Variants in NELL1 observed in about 807,000 individuals in gnomAD.
NELL1 encodes protein kinase C-binding protein NELL1.
In NELL1, 76 loss-of-function variants were observed where a neutral mutation model predicts 107.4. The ratio of observed to expected loss-of-function variants is 0.71; its 90% confidence interval spans 0.59 to 0.86. The LOEUF (loss-of-function observed/expected upper bound fraction) is 0.86. Among genes scored for constraint, NELL1 ranks in the 40% least tolerant of loss-of-function variants. The probability of loss-of-function intolerance (pLI) is 0.00; values close to 1 mark genes in which losing one functional copy is unlikely to be tolerated. For synonymous variants in NELL1, 353 were observed against 341.2 expected (o/e 1.03, Z -0.38); for missense variants, 1,024 against 1,005.5 (o/e 1.02, Z -0.25).
At chr11:20,740,728 T>G (rs1339318522) in intron 2 of NELL1, among the ~76,000 whole-genome samples, 1 of 152,224 alleles carries the variant, frequency 6.6e-6, no homozygotes, top group Non-Finnish European at 1.5e-5. Flanking sequence ...CCTCCTTGGT[T>G]GCAACAAAGA....
At chr11:20,949,602 C>A (rs988316206) in intron 11 of NELL1, among the ~76,000 whole-genome samples, 2 of 152,186 alleles carry the variant, frequency 1.3e-5, no homozygotes, top group African/African-American at 2.4e-5. Context: ...AATTAGGCCA[C>A]AGAAATTCAG....
intron 15 of NELL1, among the ~76,000 whole-genome samples, chr11:21,520,553 C>G (rs562250820): frequency 6.6e-6 from 1 of 152,182 alleles, no homozygotes; most frequent in East Asian, 1.9e-4. Flanking sequence ...ACAGAGGGAG[C>G]CTAAATCCTG....
chr11:21,057,612 AAAT>A (rs1345385753), intron 12 of NELL1, among the ~76,000 whole-genome samples: 4 of 151,978 alleles, frequency 2.6e-5, no homozygotes, highest in Non-Finnish European at 5.9e-5. Flanking sequence ...GTAGTATTTA[AAAT>A]AATAATATAG....
chr11:20,716,084 C>A (rs1855243448), intron 2 of NELL1, among the ~76,000 whole-genome samples: 1 of 152,222 alleles, frequency 6.6e-6, no homozygotes, highest in Non-Finnish European at 1.5e-5. Flanking sequence ...TCTGTGAATG[C>A]AGCCAATGTA....
intron 12 of NELL1, among the ~76,000 whole-genome samples, chr11:21,101,466 G>T (rs1367702779): frequency 1.3e-5 from 2 of 152,162 alleles, no homozygotes; most frequent in Admixed American, 6.5e-5. Context: ...CAGTGTAAAA[G>T]TGTTCCTATT....
At chr11:20,732,482 T>C (rs1855669207) in intron 2 of NELL1, among the ~76,000 whole-genome samples, 1 of 152,102 alleles carries the variant, frequency 6.6e-6, no homozygotes. Flanking sequence ...CAGATATATG[T>C]GTAAAGATAA....
chr11:21,557,808 G>A (rs1336066177), intron 16 of NELL1, among the ~76,000 whole-genome samples: 2 of 151,982 alleles, frequency 1.3e-5, no homozygotes, highest in Non-Finnish European at 2.9e-5. Context: ...GGCAAAGTAG[G>A]CATTATAATA....
chr11:21,152,921 A>G (rs1231982942), intron 13 of NELL1, among the ~76,000 whole-genome samples: 2 of 152,106 alleles, frequency 1.3e-5, no homozygotes, highest in Admixed American at 6.6e-5. Context: ...ATTTACATTG[A>G]CTTTCTCACA....
At chr11:21,271,393 T>G (rs1848736563) in intron 14 of NELL1, among the ~76,000 whole-genome samples, 1 of 152,178 alleles carries the variant, frequency 6.6e-6, no homozygotes, top group South Asian at 2.1e-4. Flanking sequence ...CTATGTAAAA[T>G]GAACCAATTT....
At chr11:20,874,666 A>G (rs1849269213) in intron 4 of NELL1, among the ~76,000 whole-genome samples, 1 of 152,170 alleles carries the variant, frequency 6.6e-6, no homozygotes, top group African/African-American at 2.4e-5. Flanking sequence ...GTCCTTCATC[A>G]TCTGCTGAAA....
In NELL1 at chr11:20,669,588, C is replaced by T; in HGVS notation, c.-136C>T. The T allele has an allele frequency of 1.5e-6, 1 of 647,148 alleles. No homozygotes were observed. Among genetic ancestry groups the T allele is most frequent in the South Asian group, 1.9e-5 (1 of 53,944 alleles). The allele number at this position is 647,148 out of a possible 1,614,324, so 40.1% of individuals were successfully genotyped here. A position where few individuals can be genotyped will look rare whatever the true frequency, so the allele number is the denominator to read the frequency against. On this transcript the variant is annotated 5_prime_UTR_variant, in exon 1 of 20. Coordinates refer to ENST00000357134, the MANE Select transcript of NELL1 (RefSeq NM_006157.5). This position sits in a 1 kb window ranked among gnomAD's most constrained non-coding sequence, Gnocchi z 4.4. ...CCGGGCGCATATGCGAGCGCAGCACCCGGCGCTGCCGAGCCACCTCCCCCG... is the reference window on the plus strand; with the variant it reads ...CCGGGCGCATATGCGAGCGCAGCACTCGGCGCTGCCGAGCCACCTCCCCCG...
At chr11:21,434,910 ATTC>A (rs1256264867) in intron 15 of NELL1, among the ~76,000 whole-genome samples, 1 of 151,938 alleles carries the variant, frequency 6.6e-6, no homozygotes, top group Non-Finnish European at 1.5e-5. Flanking sequence ...GGTTACATTT[ATTC>A]TTAGTTATTT....
At chr11:21,239,506 A>T (rs1408642265) in intron 14 of NELL1, among the ~76,000 whole-genome samples, 3 of 152,054 alleles carry the variant, frequency 2.0e-5, no homozygotes, top group African/African-American at 4.8e-5. Flanking sequence ...CCAGTGGGAA[A>T]CATTCGTGAG....
At chr11:21,357,990 T>C (rs1030498462) in intron 14 of NELL1, among the ~76,000 whole-genome samples, 1 of 152,242 alleles carries the variant, frequency 6.6e-6, no homozygotes, top group African/African-American at 2.4e-5. Context: ...CTCTATTCTG[T>C]TCCATTGGTC....
At chr11:21,289,293 C>T (rs893159591) in intron 14 of NELL1, among the ~76,000 whole-genome samples, 2 of 152,298 alleles carry the variant, frequency 1.3e-5, no homozygotes, top group South Asian at 2.1e-4. Flanking sequence ...GTGATTTCTG[C>T]ATTTCCAACT....
chr11:20,815,166 G>A (rs533003458), intron 3 of NELL1, among the ~76,000 whole-genome samples: 1 of 152,254 alleles, frequency 6.6e-6, no homozygotes, highest in South Asian at 2.1e-4. Context: ...CCGGGTTCAA[G>A]TGATTCTCCT....
chr11:21,220,292 G>A (rs1857722220), intron 13 of NELL1, among the ~76,000 whole-genome samples: 1 of 152,136 alleles, frequency 6.6e-6, no homozygotes, highest in South Asian at 2.1e-4. Flanking sequence ...GTCAGGTAGT[G>A]TGATGTCTTC....
chr11:20,952,997 G>C (rs759533625), intron 11 of NELL1, among the ~76,000 whole-genome samples: 4 of 152,174 alleles, frequency 2.6e-5, no homozygotes, highest in East Asian at 1.9e-4. Flanking sequence ...AAGAGCCCAG[G>C]CTTCTCCTGT....
rs571034710 is a variant in NELL1, at chr11:20,783,570, T to C, written c.185-110T>C. 4.0e-4 allele frequency: 279 copies of C among 694,628 alleles called. 2 individuals are homozygous for C. Among genetic ancestry groups the C allele is most frequent in the Non-Finnish European group, 5.6e-4 (247 of 438,774 alleles). The allele number at this position is 694,628 out of a possible 1,614,324, so 43.0% of individuals were successfully genotyped here. A position where few individuals can be genotyped will look rare whatever the true frequency, so the allele number is the denominator to read the frequency against. ...GACATTTTTAACCATGGATCTTTTTTCCTCTTCCTTCTCATCTCCCCTCTC... is the reference window on the plus strand; with the variant it reads ...GACATTTTTAACCATGGATCTTTTTCCCTCTTCCTTCTCATCTCCCCTCTC... On this transcript the variant is annotated intron_variant, in intron 2 of 19. Transcript: ENST00000357134.
Sources: allele counts gnomAD v4.1 joint callset (sites outside exome capture counted in the v4.1 genomes callset), GRCh38; gene constraint gnomAD v4.1.1; non-coding constraint Gnocchi (gnomAD v3.1); transcripts MANE v1.5; gene names NCBI Gene and HGNC (gene_info 2026-07-23, HGNC 2026-07-21).